The following TNFSF4 variants were observed in gnomAD, a reference collection of about 807,000 sequenced individuals.
TNFSF4 encodes tumor necrosis factor ligand superfamily member 4.
In TNFSF4, 4 loss-of-function variants were observed where a neutral mutation model predicts 7.3. That is an observed-to-expected ratio of 0.55 (90% CI 0.27 to 1.25). The LOEUF is 1.25. Among genes scored for constraint, TNFSF4 ranks in the 50% most tolerant of loss-of-function variants. The pLI, the probability that TNFSF4 is intolerant of heterozygous loss-of-function variation, is 0.12. For synonymous variants in TNFSF4, 76 were observed against 83.7 expected (o/e 0.91, Z 0.50); for missense variants, 181 against 208.8 (o/e 0.87, Z 0.82).
chr1:173,404,728 T>C, the TNFSF4 span, among the ~76,000 whole-genome samples: 1 of 151,776 alleles, frequency 6.6e-6, no homozygotes, highest in Non-Finnish European at 1.5e-5. Context: ...ACCTCCCAGG[T>C]TCAAGCAATT....
At chr1:173,313,536 T>C in the TNFSF4 span, among the ~76,000 whole-genome samples, 1 of 152,142 alleles carries the variant, frequency 6.6e-6, no homozygotes, top group African/African-American at 2.4e-5. Flanking sequence ...TTAGTGATGC[T>C]GCATAGCTCT....
the TNFSF4 span, among the ~76,000 whole-genome samples, chr1:173,373,887 C>A: frequency 6.6e-6 from 1 of 152,144 alleles, no homozygotes; most frequent in African/African-American, 2.4e-5. Context: ...TGAGCTTCCC[C>A]AAAGATTATA....
chr1:173,294,056 AAGAACTGCAAAC>A, the TNFSF4 span, among the ~76,000 whole-genome samples: 1 of 152,144 alleles, frequency 6.6e-6, no homozygotes. Context: ...AGATTTCTCA[AAGAACTGCAAAC>A]AGAACTGCCC....
intron 1 of TNFSF4, among the ~76,000 whole-genome samples, chr1:173,198,720 T>A (rs1238836346): frequency 2.0e-5 from 3 of 152,168 alleles, no homozygotes; most frequent in African/African-American, 4.8e-5. Context: ...TTTACCTGTA[T>A]AACAAGCTTG....
At chr1:173,370,036 T>C in the TNFSF4 span, among the ~76,000 whole-genome samples, 1 of 151,988 alleles carries the variant, frequency 6.6e-6, no homozygotes, top group South Asian at 2.1e-4. Flanking sequence ...CCCTGGGCTA[T>C]CAGTTATGTC....
chr1:173,368,844 C>T, the TNFSF4 span, among the ~76,000 whole-genome samples: 1 of 152,184 alleles, frequency 6.6e-6, no homozygotes, highest in African/African-American at 2.4e-5. Context: ...TCCCACCTCT[C>T]TTCTCCAAGG....
chr1:173,250,779 A>G, the TNFSF4 span, among the ~76,000 whole-genome samples: 1 of 152,230 alleles, frequency 6.6e-6, no homozygotes, highest in East Asian at 1.9e-4. Context: ...CTTAACACAG[A>G]TCTCAATAAA....
chr1:173,416,209 T>C, the TNFSF4 span, among the ~76,000 whole-genome samples: 3 of 151,974 alleles, frequency 2.0e-5, no homozygotes, highest in Admixed American at 2.0e-4. Flanking sequence ...GGCTAAGCAG[T>C]GGCAGCAGCT....
At chr1:173,233,304 A>AG in the TNFSF4 span, among the ~76,000 whole-genome samples, 1 of 152,216 alleles carries the variant, frequency 6.6e-6, no homozygotes, top group Admixed American at 6.5e-5. Context: ...AAATGAACAA[A>AG]GCCTCCAAGA....
At chr1:173,369,962 C>A in the TNFSF4 span, among the ~76,000 whole-genome samples, 1 of 152,068 alleles carries the variant, frequency 6.6e-6, no homozygotes, top group Non-Finnish European at 1.5e-5. Context: ...TAATGATGAG[C>A]CTCCTCTAAT....
At chr1:173,316,813 T>C in the TNFSF4 span, among the ~76,000 whole-genome samples, 1 of 152,210 alleles carries the variant, frequency 6.6e-6, no homozygotes, top group Non-Finnish European at 1.5e-5. Context: ...AATTAACATG[T>C]AATTGTTGTA....
chr1:173,425,737 G>A, the TNFSF4 span, among the ~76,000 whole-genome samples: 1 of 152,238 alleles, frequency 6.6e-6, no homozygotes, highest in South Asian at 2.1e-4. Flanking sequence ...CAGCCTTTGT[G>A]TGTTCCAGGT....
chr1:173,222,673 CAAG>C, the TNFSF4 span, among the ~76,000 whole-genome samples: 15 of 152,096 alleles, frequency 9.9e-5, no homozygotes, highest in Non-Finnish European at 2.2e-4. Context: ...CATACTTTGG[CAAG>C]AATGAACTAC....
the TNFSF4 span, among the ~76,000 whole-genome samples, chr1:173,443,573 T>G: frequency 6.6e-6 from 1 of 152,208 alleles, no homozygotes; most frequent in Non-Finnish European, 1.5e-5. Flanking sequence ...TAGATATAGA[T>G]AGCGATTGAT....
At chr1:173,410,621 C>T in the TNFSF4 span, among the ~76,000 whole-genome samples, 19 of 152,262 alleles carry the variant, frequency 1.2e-4, no homozygotes, top group African/African-American at 4.1e-4. Flanking sequence ...TAGGAAGCCC[C>T]CAGTGGTACC....
At chr1:173,319,686 C>A in the TNFSF4 span, among the ~76,000 whole-genome samples, 1 of 152,182 alleles carries the variant, frequency 6.6e-6, no homozygotes, top group Non-Finnish European at 1.5e-5. Flanking sequence ...TGCTGTTCTG[C>A]AGACTCCACT....
chr1:173,412,866 T>C, the TNFSF4 span, among the ~76,000 whole-genome samples: 67 of 152,192 alleles, frequency 4.4e-4, no homozygotes, highest in African/African-American at 1.6e-3. Context: ...TTATGTAAAA[T>C]TCATCAAGTT....
downstream of TNFSF4, among the ~76,000 whole-genome samples, chr1:173,182,543 A>G (rs545351427): frequency 1.3e-5 from 2 of 152,332 alleles, no homozygotes; most frequent in Admixed American, 1.3e-4. Flanking sequence ...TTCAGACGTA[A>G]AATAGGAATT....
chr1:173,298,064 G>A, the TNFSF4 span, among the ~76,000 whole-genome samples: 2 of 152,054 alleles, frequency 1.3e-5, no homozygotes, highest in East Asian at 3.9e-4. Context: ...TTTCAGGACA[G>A]GGGCTGAGAG....
Sources: gnomAD v4.1 joint callset for allele counts (sites outside exome capture counted in the v4.1 genomes callset) on GRCh38, gnomAD v4.1.1 for gene constraint, MANE v1.5 for transcripts, NCBI Gene and HGNC (gene_info 2026-07-23, HGNC 2026-07-21) for gene names.